The following ANTXR2 variants were observed in gnomAD, a reference collection of about 807,000 sequenced individuals.
The protein encoded by ANTXR2 is ANTXR cell adhesion molecule 2.
ANTXR2 carries 44 observed loss-of-function variants against 73.7 expected under a neutral mutation model. The ratio of observed to expected loss-of-function variants is 0.60; its 90% CI spans 0.47 to 0.77. ANTXR2 has a LOEUF of 0.77. Ranked by LOEUF, ANTXR2 falls within the 30% of genes least tolerant of loss-of-function variation. The probability of loss-of-function intolerance (pLI) is 0.00; values close to 1 mark genes in which losing one functional copy is unlikely to be tolerated. For synonymous variants in ANTXR2, 217 were observed against 205.9 expected, an observed-to-expected ratio of 1.05 and a Z score of -0.46; for missense variants, 604 against 592.5, an observed-to-expected ratio of 1.02 and a Z score of -0.20.
In ANTXR2 at chr4:79,988,125, T is replaced by C. The variant is rs1266792574; in HGVS notation, c.1042-3262A>G. ...CACGTATCAATATTGACCTTGAAGA[T>C]AAATGGGCTAAGTGTCCAACTTAAA... On this transcript the variant is annotated intron_variant, in intron 12 of 16. Transcript: ENST00000403729. Among the ~76,000 whole-genome samples the C allele has an allele frequency of 2.0e-5, 3 of 150,704 alleles. No individual in the cohort carries two copies. In the East Asian group the frequency reaches 5.8e-4, roughly 29 times the overall value.
chr4:79,948,717 T>C (rs1728598041), intron 16 of ANTXR2, among the ~76,000 whole-genome samples: 1 of 152,082 alleles, frequency 6.6e-6, no homozygotes, highest in African/African-American at 2.4e-5. Flanking sequence ...ATTCCCTGCC[T>C]GTCTGTCTCC....
chr4:79,983,841 C>T lies in ANTXR2; in HGVS notation c.1179+37G>A, dbSNP rs551471292. ...TTAATAGCCCTAGAAATACATACTC[C>T]AGATTAGCAGCTTCTATTTTTTTTT... is the stretch of plus-strand genomic sequence containing the variant. On this transcript the variant is annotated intron_variant, in intron 14 of 16. Coordinates refer to ENST00000403729, the MANE Select transcript of ANTXR2 (RefSeq NM_058172.6). 21 of 1,467,268 alleles carry T rather than the reference C, an allele frequency of 1.4e-5. No homozygotes were observed. The South Asian group carries it at 2.3e-4, about 16-fold the overall frequency. 90.9% of individuals were successfully genotyped at this position (1,467,268 alleles called of 1,614,324 possible).
chr4:79,911,859 CTGT>C (rs146353894), intron 16 of ANTXR2, among the ~76,000 whole-genome samples: 13,555 of 151,890 alleles, frequency 0.089, 708 homozygotes, highest in Middle Eastern at 0.19. Flanking sequence ...TCTAAATATA[CTGT>C]TGTTGTAATG....
chr4:80,003,003 C>T (rs75366536), intron 12 of ANTXR2, among the ~76,000 whole-genome samples: 235 of 136,166 alleles, frequency 1.7e-3, no homozygotes, highest in Non-Finnish European at 3.0e-3. Flanking sequence ...GTCAGTGTGG[C>T]CATTCCTCAG....
intron 3 of ANTXR2, among the ~76,000 whole-genome samples, chr4:80,068,767 G>A (rs923944235): frequency 5.9e-5 from 9 of 152,082 alleles, no homozygotes; most frequent in Non-Finnish European, 1.2e-4. Context: ...GAGAGACTCT[G>A]TCTCAAAAAA....
intron 12 of ANTXR2, among the ~76,000 whole-genome samples, chr4:79,990,383 C>CAAAAAA (rs70944757): frequency 0.018 from 1,382 of 75,500 alleles, 28 homozygotes; most frequent in Non-Finnish European, 0.024. Context: ...ACAACAGTTA[C>CAAAAAA]AAAAAAAAAA....
chr4:79,925,770 T>G (rs1031265905), intron 16 of ANTXR2, among the ~76,000 whole-genome samples: 8 of 152,146 alleles, frequency 5.3e-5, no homozygotes, highest in Admixed American at 3.9e-4. Flanking sequence ...ACTATCAGTG[T>G]AACAATGTTC....
At chr4:79,963,087 T>A (rs1489794100) in intron 16 of ANTXR2, among the ~76,000 whole-genome samples, 1 of 152,132 alleles carries the variant, frequency 6.6e-6, no homozygotes, top group East Asian at 1.9e-4. Flanking sequence ...TATTTGAAGA[T>A]GACATGGTTT....
chr4:80,043,959 T>G (rs1274252242), intron 7 of ANTXR2, among the ~76,000 whole-genome samples: 1 of 151,800 alleles, frequency 6.6e-6, no homozygotes. Context: ...AAAGGCCAAA[T>G]CTCCTTTCTA....
At chr4:79,961,830 C>A (rs56855900) in intron 16 of ANTXR2, among the ~76,000 whole-genome samples, 1 of 152,102 alleles carries the variant, frequency 6.6e-6, no homozygotes, top group Non-Finnish European at 1.5e-5. Context: ...GGTATTTACA[C>A]TAATCATTTT....
At chr4:80,006,288 C>G (rs1034008637) in intron 12 of ANTXR2, among the ~76,000 whole-genome samples, 1 of 151,716 alleles carries the variant, frequency 6.6e-6, no homozygotes, top group Non-Finnish European at 1.5e-5. Flanking sequence ...TTTTGTATCC[C>G]CAGTTCCTAG....
intron 16 of ANTXR2, among the ~76,000 whole-genome samples, chr4:79,927,051 G>C (rs532556338): frequency 2.0e-5 from 1 of 50,404 alleles, no homozygotes; most frequent in South Asian, 1.1e-3. Flanking sequence ...ATATATGTGC[G>C]TGTGTGTGTG....
At chr4:80,047,930 T>A (rs150962741) in intron 7 of ANTXR2, among the ~76,000 whole-genome samples, 38 of 151,808 alleles carry the variant, frequency 2.5e-4, no homozygotes, top group African/African-American at 8.7e-4. Context: ...TCTTGTCATG[T>A]GAAATCAAAA....
chr4:80,062,812 T>C (rs1388157799), intron 3 of ANTXR2, among the ~76,000 whole-genome samples: 1 of 152,188 alleles, frequency 6.6e-6, no homozygotes, highest in Non-Finnish European at 1.5e-5. Context: ...GGCCTGGGTG[T>C]GAACCCTGGC....
intron 16 of ANTXR2, among the ~76,000 whole-genome samples, chr4:79,948,074 T>C (rs1424898075): frequency 1.3e-5 from 2 of 152,182 alleles, no homozygotes; most frequent in Non-Finnish European, 2.9e-5. Flanking sequence ...GATGGAATTA[T>C]TTTTTAAACT....
chr4:80,067,247 C>T, intron 3 of ANTXR2, among the ~76,000 whole-genome samples: 1 of 151,980 alleles, frequency 6.6e-6, no homozygotes, highest in East Asian at 1.9e-4. Context: ...CTTCTGTAAC[C>T]TATCTCAGTG....
chr4:80,031,898 A>G (rs532328293), intron 9 of ANTXR2, among the ~76,000 whole-genome samples: 9 of 151,904 alleles, frequency 5.9e-5, no homozygotes, highest in African/African-American at 2.2e-4. Context: ...TTGGTAAATC[A>G]TAAGTTAGGA....
intron 16 of ANTXR2, among the ~76,000 whole-genome samples, chr4:79,957,438 A>C (rs1400158910): frequency 6.6e-6 from 1 of 152,128 alleles, no homozygotes; most frequent in African/African-American, 2.4e-5. Flanking sequence ...GCAAAAAGAA[A>C]AGTATAATGT....
intron 16 of ANTXR2, among the ~76,000 whole-genome samples, chr4:79,954,264 C>T (rs1728810588): frequency 6.6e-6 from 1 of 152,068 alleles, no homozygotes; most frequent in Non-Finnish European, 1.5e-5. Flanking sequence ...AGTAGTCCTC[C>T]CACCTTGGCC....
Sources: allele counts gnomAD v4.1 joint callset (sites outside exome capture counted in the v4.1 genomes callset), GRCh38; gene constraint gnomAD v4.1.1; transcripts MANE v1.5; gene names NCBI Gene and HGNC (gene_info 2026-07-23, HGNC 2026-07-21).